Variants in PALD1 observed in about 807,000 individuals in gnomAD.
The protein encoded by PALD1 is paladin.
PALD1 carries 57 observed loss-of-function variants against 96.0 expected under a neutral mutation model. The ratio of observed to expected loss-of-function variants is 0.59; its 90% CI spans 0.48 to 0.74. PALD1 has a LOEUF of 0.74. Among genes scored for constraint, PALD1 ranks in the 30% least tolerant of loss-of-function variants. The probability of loss-of-function intolerance (pLI) is 0.00; values close to 1 mark genes in which losing one functional copy is unlikely to be tolerated. For synonymous variants in PALD1, 464 were observed against 473.6 expected, an observed-to-expected ratio of 0.98 and a Z score of 0.26; for missense variants, 1,063 against 1,143.7, an observed-to-expected ratio of 0.93 and a Z score of 1.02.
At chr10:70,514,283 G>A (rs1846577110) in intron 1 of PALD1, among the ~76,000 whole-genome samples, 1 of 152,150 alleles carries the variant, frequency 6.6e-6, no homozygotes, top group South Asian at 2.1e-4. Context: ...TGGAAGTCAG[G>A]GCTGCCCCCC....
chr10:70,501,834 T>TGTGTGCGCGC (rs774868338), intron 1 of PALD1, among the ~76,000 whole-genome samples: 5 of 149,384 alleles, frequency 3.3e-5, no homozygotes, highest in African/African-American at 1.2e-4. Flanking sequence ...TGTGTGTGTG[T>TGTGTGCGCGC]GCGTGCGTGC....
At position 70,530,012 on chromosome 10, in the gene PALD1, C is replaced by G. The variant is rs749255806; in HGVS notation, c.412C>G (p.Pro138Ala). 6.9e-6 allele frequency: 11 copies of G among 1,591,588 alleles called. No homozygotes were observed. The highest frequency in any genetic ancestry group is 2.6e-6 in the Non-Finnish European group (3 of 1,170,044). The change falls in exon 4 of 20, where the codon CCC (proline) becomes GCC (alanine). Residue 138 changes from proline to alanine, a missense_variant. Physicochemically the swap from Pro to Ala is conservative, Grantham distance 27. Coordinates refer to ENST00000263563, the MANE Select transcript of PALD1 (RefSeq NM_014431.3). ...GGLTVFGMGQ[P>A]SLSGFRRVLQ... ...GCTCACTGTGTTCGGCATGGGACAG[C>G]CCAGCCTCTCAGGGTTCAGGCGGGT...
At chr10:70,486,843 G>C (rs956531059) in intron 1 of PALD1, among the ~76,000 whole-genome samples, 3 of 152,278 alleles carry the variant, frequency 2.0e-5, no homozygotes, top group Admixed American at 2.0e-4. Flanking sequence ...ATCATCTGCC[G>C]GTGTGCTCCC....
At chr10:70,530,550 C>T (rs75133292) in intron 4 of PALD1, among the ~76,000 whole-genome samples, 1,528 of 152,296 alleles carry the variant, frequency 0.01, 25 homozygotes, top group African/African-American at 0.034. Context: ...CAAACCCAGG[C>T]AGCTGAATTC....
chr10:70,530,164 T>G, intron 4 of PALD1, 96 bp downstream of exon 4: 1 of 1,031,314 alleles, frequency 9.7e-7, no homozygotes, highest in East Asian at 2.8e-5. Flanking sequence ...AGGGGCCTGC[T>G]GCATGCTGGA....
chr10:70,498,733 C>G (rs1158078187), intron 1 of PALD1, among the ~76,000 whole-genome samples: 1 of 152,000 alleles, frequency 6.6e-6, no homozygotes, highest in Non-Finnish European at 1.5e-5. Context: ...TTGAGACCAG[C>G]CTGGCTAACA....
chr10:70,460,837 C>G, the PALD1 span, among the ~76,000 whole-genome samples: 1 of 152,200 alleles, frequency 6.6e-6, no homozygotes, highest in African/African-American at 2.4e-5. Flanking sequence ...GGGCGGATCA[C>G]CTGAGGTCAA....
At chr10:70,520,306 A>T (rs1210933065) in intron 1 of PALD1, among the ~76,000 whole-genome samples, 1 of 152,120 alleles carries the variant, frequency 6.6e-6, no homozygotes, top group East Asian at 1.9e-4. Flanking sequence ...AAGGACAAAG[A>T]AGGTGGGGGT....
At chr10:70,526,249 C>G (rs1589195725) in intron 2 of PALD1, 113 bp downstream of exon 2, 2 of 824,346 alleles carry the variant, frequency 2.4e-6, no homozygotes, top group East Asian at 5.1e-5. Flanking sequence ...GATTCGGGTT[C>G]ATAGATGATG....
the PALD1 span, among the ~76,000 whole-genome samples, chr10:70,470,491 A>G: frequency 1.6e-5 from 2 of 127,710 alleles, no homozygotes; most frequent in African/African-American, 2.9e-5. Flanking sequence ...CCAGAGGTTG[A>G]CTGTGTGTAT....
At chr10:70,472,802 G>A in the PALD1 span, among the ~76,000 whole-genome samples, 1 of 152,130 alleles carries the variant, frequency 6.6e-6, no homozygotes, top group Non-Finnish European at 1.5e-5. Context: ...ACGAGTGCTG[G>A]CTGGGGGAGG....
At chr10:70,489,844 ATC>A (rs779427771) in intron 1 of PALD1, among the ~76,000 whole-genome samples, 2 of 152,136 alleles carry the variant, frequency 1.3e-5, no homozygotes, top group Non-Finnish European at 2.9e-5. Context: ...CATGCTCTGT[ATC>A]TCTATAGATT....
the PALD1 span, among the ~76,000 whole-genome samples, chr10:70,464,635 T>C: frequency 6.7e-6 from 1 of 150,160 alleles, no homozygotes; most frequent in Non-Finnish European, 1.5e-5. Flanking sequence ...TTTTTTTTTT[T>C]TTTTTTTTGA....
chr10:70,477,987 G>A (rs941417501), upstream of PALD1, among the ~76,000 whole-genome samples: 1 of 152,112 alleles, frequency 6.6e-6, no homozygotes, highest in African/African-American at 2.4e-5. Flanking sequence ...GGGGCCGTCG[G>A]AGTGGGCCGG....
At chr10:70,509,901 A>T (rs577475464) in intron 1 of PALD1, among the ~76,000 whole-genome samples, 18 of 152,352 alleles carry the variant, frequency 1.2e-4, no homozygotes, top group African/African-American at 4.1e-4. Context: ...TTGATTTTGC[A>T]CAAAGAATTC....
chr10:70,524,101 A>G (rs1846801285), intron 1 of PALD1, among the ~76,000 whole-genome samples: 1 of 152,188 alleles, frequency 6.6e-6, no homozygotes, highest in South Asian at 2.1e-4. Context: ...GGTTGGGAGC[A>G]GACAGTCCCT....
At chr10:70,529,769 T>G in intron 3 of PALD1, 120 bp from the exon 4 acceptor site, 1 of 772,546 alleles carries the variant, frequency 1.3e-6, no homozygotes, top group Non-Finnish European at 2.1e-6. Flanking sequence ...GAGGGCAGGA[T>G]CATGTTCTTT....
intron 3 of PALD1, 29 bp downstream of exon 3, chr10:70,529,360 G>C (rs1162095331): frequency 7.3e-6 from 8 of 1,103,320 alleles, no homozygotes; most frequent in Non-Finnish European, 1.1e-5. Flanking sequence ...CTGCCAGCCC[G>C]CCTGCTGCCT....
At chr10:70,532,828 T>C (rs759757379) in intron 6 of PALD1, 47 bp downstream of exon 6, 27 of 1,599,702 alleles carry the variant, frequency 1.7e-5, no homozygotes, top group Non-Finnish European at 2.3e-5. Context: ...CTCCAGGTCC[T>C]GCTCTCCAGC....
Sources: allele counts gnomAD v4.1 joint callset (sites outside exome capture counted in the v4.1 genomes callset), GRCh38; gene constraint gnomAD v4.1.1; transcripts MANE v1.5; gene names NCBI Gene and HGNC (gene_info 2026-07-23, HGNC 2026-07-21).